Variants in GABRB1 observed in about 807,000 individuals in gnomAD.
GABRB1 encodes gamma-aminobutyric acid type A receptor subunit beta1.
In GABRB1, 17 loss-of-function variants were observed where a neutral mutation model predicts 51.6. The ratio of observed to expected loss-of-function variants is 0.33; its 90% CI spans 0.23 to 0.49. The LOEUF (loss-of-function observed/expected upper bound fraction) is 0.49, where lower values mean the gene tolerates loss of function less well. Ranked by LOEUF, GABRB1 falls within the 20% of genes least tolerant of loss-of-function variation. The pLI is 0.99. For missense variants in GABRB1, 410 were observed against 600.6 expected (o/e 0.68, Z 3.32); for synonymous variants, 247 against 218.9 (o/e 1.13, Z -1.14).
intron 3 of GABRB1, among the ~76,000 whole-genome samples, chr4:47,152,000 T>C (rs1717480684): frequency 6.6e-6 from 1 of 152,074 alleles, no homozygotes; most frequent in Admixed American, 6.6e-5. Context: ...AAGTCACTAC[T>C]AATTCATTTC....
intron 4 of GABRB1, among the ~76,000 whole-genome samples, chr4:47,176,784 A>C (rs1718721030): frequency 6.6e-6 from 1 of 152,150 alleles, no homozygotes; most frequent in Non-Finnish European, 1.5e-5. Flanking sequence ...TTAGCCTTGG[A>C]CCATTCATTC....
At chr4:47,030,580 T>C (rs892890295), upstream of GABRB1, among the ~76,000 whole-genome samples, 12 of 152,308 alleles carry the variant, frequency 7.9e-5, 1 homozygote, top group Admixed American at 3.9e-4. Context: ...CAACAAAATT[T>C]AATATATACT....
At chr4:47,174,982 T>G (rs1438369471) in intron 4 of GABRB1, among the ~76,000 whole-genome samples, 2 of 141,468 alleles carry the variant, frequency 1.4e-5, no homozygotes, top group Non-Finnish European at 3.1e-5. Context: ...CTTTCATCAT[T>G]CCTTCCTTCC....
At chr4:47,109,484 A>G (rs955961129) in intron 3 of GABRB1, among the ~76,000 whole-genome samples, 1 of 152,056 alleles carries the variant, frequency 6.6e-6, no homozygotes, top group African/African-American at 2.4e-5. Flanking sequence ...AATGGTAGGG[A>G]TTGGAGATGG....
intron 3 of GABRB1, among the ~76,000 whole-genome samples, chr4:47,159,512 T>G (rs77370086): frequency 6.8e-6 from 1 of 146,646 alleles, no homozygotes; most frequent in East Asian, 2.0e-4. Flanking sequence ...GAGGGTTATT[T>G]TTTTTTTTTT....
At chr4:47,135,215 G>A (rs1266798753) in intron 3 of GABRB1, among the ~76,000 whole-genome samples, 1 of 152,168 alleles carries the variant, frequency 6.6e-6, no homozygotes, top group Admixed American at 6.5e-5. Flanking sequence ...AATGATAATG[G>A]TGAGATGCCA....
chr4:47,242,661 G>A (rs1339132536), intron 4 of GABRB1, among the ~76,000 whole-genome samples: 1 of 152,198 alleles, frequency 6.6e-6, no homozygotes, highest in Admixed American at 6.5e-5. Context: ...TTTCTCATAT[G>A]TCTGTTGGCT....
At chr4:47,349,964 A>G (rs1436586444) in intron 5 of GABRB1, among the ~76,000 whole-genome samples, 1 of 152,080 alleles carries the variant, frequency 6.6e-6, no homozygotes, top group Non-Finnish European at 1.5e-5. Flanking sequence ...TGTTATTTAC[A>G]GATTGTAGAA....
intron 3 of GABRB1, among the ~76,000 whole-genome samples, chr4:47,070,685 A>G (rs1314289930): frequency 2.0e-5 from 3 of 152,100 alleles, no homozygotes; most frequent in Admixed American, 1.3e-4. Context: ...ATACTACTAC[A>G]TCTAGGTTTC....
chr4:47,032,777 G>A (rs878938076), intron 3 of GABRB1: 4 of 618,830 alleles, frequency 6.5e-6, no homozygotes, highest in South Asian at 6.1e-5. Flanking sequence ...ACTTTAGCTG[G>A]GTTTCCCTGC....
At chr4:47,305,998 G>A (rs1005885355) in intron 4 of GABRB1, among the ~76,000 whole-genome samples, 3 of 152,124 alleles carry the variant, frequency 2.0e-5, no homozygotes, top group Non-Finnish European at 4.4e-5. Flanking sequence ...ACACATGTGT[G>A]TGAAAATTAA....
intron 3 of GABRB1, among the ~76,000 whole-genome samples, chr4:47,153,957 A>G (rs550685499): frequency 1.8e-4 from 28 of 152,188 alleles, no homozygotes; most frequent in African/African-American, 6.5e-4. Flanking sequence ...CATGTATTTT[A>G]AAGGTATTAT....
At chr4:47,218,304 G>T (rs1720633804) in intron 4 of GABRB1, among the ~76,000 whole-genome samples, 1 of 151,836 alleles carries the variant, frequency 6.6e-6, no homozygotes, top group Non-Finnish European at 1.5e-5. Flanking sequence ...ACATGAGGGT[G>T]CAGCTATCCC....
At chr4:47,256,750 T>A (rs1159979095) in intron 4 of GABRB1, among the ~76,000 whole-genome samples, 1 of 152,140 alleles carries the variant, frequency 6.6e-6, no homozygotes, top group East Asian at 1.9e-4. Flanking sequence ...ACTCACTCAC[T>A]GTCAGAAGAA....
intron 4 of GABRB1, among the ~76,000 whole-genome samples, chr4:47,182,841 A>G (rs117878181): frequency 3.4e-4 from 52 of 152,106 alleles, no homozygotes; most frequent in African/African-American, 1.2e-3. Context: ...AGATTTTTAT[A>G]TAGTGCTTTT....
chr4:47,272,652 C>T (rs1271959819), intron 4 of GABRB1, among the ~76,000 whole-genome samples: 1 of 151,970 alleles, frequency 6.6e-6, no homozygotes, highest in Non-Finnish European at 1.5e-5. Flanking sequence ...TTTAGGTATT[C>T]CTCTGTCTCT....
chr4:47,167,421 C>T (rs1196552074), intron 4 of GABRB1, among the ~76,000 whole-genome samples: 1 of 151,996 alleles, frequency 6.6e-6, no homozygotes, highest in Non-Finnish European at 1.5e-5. Context: ...AAAAAAATGC[C>T]TTTTTAAATT....
chr4:47,131,498 A>T (rs1025527990), intron 3 of GABRB1, among the ~76,000 whole-genome samples: 19 of 152,206 alleles, frequency 1.2e-4, no homozygotes, highest in African/African-American at 4.3e-4. Context: ...ATTGCTGTAG[A>T]TTGTATTAGG....
intron 3 of GABRB1, among the ~76,000 whole-genome samples, chr4:47,115,370 T>C (rs1463054116): frequency 6.6e-6 from 1 of 152,160 alleles, no homozygotes; most frequent in East Asian, 1.9e-4. Context: ...TTTTCACTTA[T>C]TCTATCTTGT....
Sources: allele counts gnomAD v4.1 joint callset (sites outside exome capture counted in the v4.1 genomes callset), GRCh38; gene constraint gnomAD v4.1.1; transcripts MANE v1.5; gene names NCBI Gene and HGNC (gene_info 2026-07-23, HGNC 2026-07-21).